The following TNR variants were observed in gnomAD, a reference collection of about 807,000 sequenced individuals.
TNR encodes the protein tenascin R.
Under a neutral mutation model 150.4 loss-of-function variants are expected in TNR, and 45 were observed. That is an observed-to-expected ratio of 0.30 (90% CI 0.24 to 0.38). TNR has a LOEUF of 0.38. TNR is among the 10% of genes least tolerant of loss of function. The probability of loss-of-function intolerance (pLI) is 1.00; values close to 1 mark genes in which losing one functional copy is unlikely to be tolerated. For synonymous variants in TNR, 687 were observed against 678.4 expected (o/e 1.01, Z -0.20); for missense variants, 1,544 against 1,759.1 (o/e 0.88, Z 2.19).
chr1:175,527,690 G>A (rs1659899240), intron 2 of TNR, among the ~76,000 whole-genome samples: 2 of 151,958 alleles, frequency 1.3e-5, no homozygotes, highest in Non-Finnish European at 2.9e-5. Flanking sequence ...CTTCTCCTGT[G>A]GACCATTTTT....
intron 2 of TNR, among the ~76,000 whole-genome samples, chr1:175,410,881 C>T (rs1654182898): frequency 6.6e-6 from 1 of 152,060 alleles, no homozygotes; most frequent in Admixed American, 6.5e-5. Context: ...TGTTTGAAGC[C>T]CAGATTTGGG....
At chr1:175,363,433 C>T (rs1651690045) in intron 13 of TNR, among the ~76,000 whole-genome samples, 2 of 152,166 alleles carry the variant, frequency 1.3e-5, no homozygotes, top group African/African-American at 4.8e-5. Context: ...TTTTGGGGCT[C>T]TTTTTTTCTC....
At chr1:175,419,290 T>G (rs915018055) in intron 2 of TNR, among the ~76,000 whole-genome samples, 2 of 152,182 alleles carry the variant, frequency 1.3e-5, no homozygotes, top group Admixed American at 6.5e-5. Flanking sequence ...TTTAAATGTG[T>G]TCAATCTGAA....
At chr1:175,594,842 G>A (rs964839515) in intron 1 of TNR, among the ~76,000 whole-genome samples, 6 of 146,508 alleles carry the variant, frequency 4.1e-5, no homozygotes, top group Admixed American at 2.7e-4. Context: ...GGGCAACAGA[G>A]TGAGACCTTG....
At chr1:175,512,432 C>G (rs1391747668) in intron 2 of TNR, among the ~76,000 whole-genome samples, 1 of 152,180 alleles carries the variant, frequency 6.6e-6, no homozygotes, top group Non-Finnish European at 1.5e-5. Context: ...GATAGCAACT[C>G]TTAGTAGACT....
chr1:175,462,376 T>A (rs1458009153), intron 2 of TNR, among the ~76,000 whole-genome samples: 2 of 152,210 alleles, frequency 1.3e-5, no homozygotes, highest in African/African-American at 2.4e-5. Flanking sequence ...AGGCTTCTTG[T>A]GTGTACCGAA....
intron 5 of TNR, 94 bp downstream of exon 5, chr1:175,396,450 C>T: frequency 6.8e-7 from 1 of 1,466,894 alleles, no homozygotes; most frequent in South Asian, 1.3e-5. Flanking sequence ...CCAGGCATCC[C>T]TGAAGAACTA....
chr1:175,622,239 C>G (rs1003444688), intron 1 of TNR, among the ~76,000 whole-genome samples: 1 of 152,224 alleles, frequency 6.6e-6, no homozygotes, highest in Non-Finnish European at 1.5e-5. Flanking sequence ...AAAAGCCTTA[C>G]AGGCCCTCAT....
At chr1:175,549,120 T>G (rs1395675555) in intron 1 of TNR, among the ~76,000 whole-genome samples, 1 of 152,240 alleles carries the variant, frequency 6.6e-6, no homozygotes, top group Non-Finnish European at 1.5e-5. Flanking sequence ...TGCTCCAGTC[T>G]GGCCCCCAGG....
chr1:175,331,069 CTTTCTTTCCTTCT>C (rs1649812571), intron 20 of TNR, among the ~76,000 whole-genome samples: 3 of 127,632 alleles, frequency 2.4e-5, no homozygotes, highest in African/African-American at 9.3e-5. Context: ...TTCTTTCTTT[CTTTCTTTCCTTCT>C]TTCTTTCTTT....
At chr1:175,573,145 A>C (rs1237858875) in intron 1 of TNR, among the ~76,000 whole-genome samples, 2 of 151,988 alleles carry the variant, frequency 1.3e-5, no homozygotes, top group African/African-American at 4.8e-5. Flanking sequence ...GGTATTTCAT[A>C]CTCCCTGTAC....
chr1:175,453,208 C>T lies in TNR; in HGVS notation c.-63-46431G>A, dbSNP rs543081942. Among the ~76,000 whole-genome samples, 17 of 152,176 alleles carry T rather than the reference C, an allele frequency of 1.1e-4. No individual in the cohort carries two copies. In the East Asian group the frequency reaches 1.2e-3, roughly 10 times the overall value. ...AGAGAGACAAAGGAAAGGATGAAAA[C>T]GATACTTACAGAAAAGTTGCAAGAA... On this transcript the variant is annotated intron_variant, in intron 2 of 22. Coordinates refer to ENST00000367674, the MANE Select transcript of TNR (RefSeq NM_003285.3).
intron 1 of TNR, among the ~76,000 whole-genome samples, chr1:175,688,863 G>C (rs1335036394): frequency 6.6e-6 from 1 of 152,216 alleles, no homozygotes; most frequent in Non-Finnish European, 1.5e-5. Flanking sequence ...CATGCTGCAA[G>C]GCCAAGGCCA....
At chr1:175,517,443 T>C (rs992554017) in intron 2 of TNR, among the ~76,000 whole-genome samples, 9 of 152,094 alleles carry the variant, frequency 5.9e-5, no homozygotes, top group African/African-American at 2.2e-4. Context: ...TCTCAAAAGT[T>C]TGGTTTGTCC....
chr1:175,532,292 G>A (rs1259677406), intron 1 of TNR, among the ~76,000 whole-genome samples: 1 of 152,198 alleles, frequency 6.6e-6, no homozygotes, highest in Non-Finnish European at 1.5e-5. Flanking sequence ...GCTGAACAAT[G>A]GATCAGATTG....
chr1:175,679,091 A>C (rs1665952838), intron 1 of TNR, among the ~76,000 whole-genome samples: 1 of 152,244 alleles, frequency 6.6e-6, no homozygotes, highest in East Asian at 1.9e-4. Context: ...GGGCTTAAGA[A>C]AAGATGTTCC....
chr1:175,600,887 G>A (rs971199812), intron 1 of TNR, among the ~76,000 whole-genome samples: 1 of 152,166 alleles, frequency 6.6e-6, no homozygotes, highest in African/African-American at 2.4e-5. Flanking sequence ...TAAGACTTAC[G>A]CTACAGAGGA....
intron 21 of TNR, among the ~76,000 whole-genome samples, chr1:175,328,887 C>T (rs1649560978): frequency 6.6e-6 from 1 of 152,236 alleles, no homozygotes; most frequent in African/African-American, 2.4e-5. Context: ...GGCTTTTCTA[C>T]AGGCACAATT....
intron 1 of TNR, among the ~76,000 whole-genome samples, chr1:175,540,167 T>A (rs984148549): frequency 1.3e-5 from 2 of 152,196 alleles, no homozygotes; most frequent in African/African-American, 4.8e-5. Flanking sequence ...AATTCCCTCA[T>A]CAACAAGTCC....
Sources: gnomAD v4.1 joint callset for allele counts (sites outside exome capture counted in the v4.1 genomes callset) on GRCh38, gnomAD v4.1.1 for gene constraint, MANE v1.5 for transcripts, NCBI Gene and HGNC (gene_info 2026-07-23, HGNC 2026-07-21) for gene names.